Variants in CLVS1 observed in about 807,000 individuals in gnomAD.
CLVS1 encodes clavesin-1.
In CLVS1, 10 loss-of-function variants were observed where a neutral mutation model predicts 33.1. The observed-to-expected ratio is 0.30, with a 90% confidence interval of 0.19 to 0.51. The LOEUF (loss-of-function observed/expected upper bound fraction) is 0.51, where lower values mean the gene tolerates loss of function less well. Among genes scored for constraint, CLVS1 ranks in the 20% least tolerant of loss-of-function variants. The pLI is 0.97. For synonymous variants in CLVS1, 163 were observed against 166.1 expected (o/e 0.98, Z 0.14); for missense variants, 343 against 433.4 (o/e 0.79, Z 1.85).
chr8:61,291,556 A>AG (rs1023010462), intron 1 of CLVS1, among the ~76,000 whole-genome samples: 6 of 152,142 alleles, frequency 3.9e-5, no homozygotes, highest in African/African-American at 7.2e-5. Flanking sequence ...AGCATGTTGT[A>AG]GGGGGGCGTG....
intron 4 of CLVS1, among the ~76,000 whole-genome samples, chr8:61,456,384 G>A (rs542538973): frequency 1.3e-5 from 2 of 152,282 alleles, no homozygotes; most frequent in African/African-American, 4.8e-5. Context: ...ATAAAAGCCA[G>A]AAAAGTGACT....
chr8:61,181,928 C>T (rs1807246781), intron 2 of CLVS1, among the ~76,000 whole-genome samples: 1 of 151,966 alleles, frequency 6.6e-6, no homozygotes, highest in Admixed American at 6.6e-5. Context: ...GTCTCGATCT[C>T]CTGACCTCGT....
chr8:61,437,351 A>G (rs992913254), intron 3 of CLVS1, among the ~76,000 whole-genome samples: 1 of 152,244 alleles, frequency 6.6e-6, no homozygotes, highest in Non-Finnish European at 1.5e-5. Context: ...AATCTCTTGA[A>G]GCTACCTTCA....
chr8:61,479,552 G>C (rs1818102148), intron 5 of CLVS1, among the ~76,000 whole-genome samples: 1 of 149,344 alleles, frequency 6.7e-6, no homozygotes, highest in African/African-American at 2.4e-5. Flanking sequence ...GCTCGGAGTA[G>C]TTGATCTTCT....
chr8:60,977,724 G>T, the CLVS1 span, among the ~76,000 whole-genome samples: 2 of 152,154 alleles, frequency 1.3e-5, no homozygotes, highest in Admixed American at 1.3e-4. Context: ...AGGATTTCCA[G>T]ATGTAGAAGA....
At chr8:61,318,826 G>A (rs1811101498) in intron 2 of CLVS1, among the ~76,000 whole-genome samples, 1 of 152,004 alleles carries the variant, frequency 6.6e-6, no homozygotes, top group African/African-American at 2.4e-5. Context: ...GCTGAGGCTG[G>A]TCTTGAAGCC....
At chr8:61,299,060 G>T (rs1299600475) in intron 1 of CLVS1, among the ~76,000 whole-genome samples, 2 of 152,124 alleles carry the variant, frequency 1.3e-5, no homozygotes, top group African/African-American at 4.8e-5. Context: ...GATTATTGGA[G>T]GTCAAGTTTT....
chr8:61,155,494 T>G (rs1177362892), intron 2 of CLVS1, among the ~76,000 whole-genome samples: 2 of 152,234 alleles, frequency 1.3e-5, no homozygotes, highest in African/African-American at 2.4e-5. Context: ...GATTAGCCTT[T>G]TAATGGTGAT....
intron 3 of CLVS1, among the ~76,000 whole-genome samples, chr8:61,386,859 C>T (rs10099169): frequency 0.57 from 86,531 of 151,934 alleles, 28,963 homozygotes; most frequent in Non-Finnish European, 0.73. Flanking sequence ...CTCCCTACAC[C>T]CCTTTCATTA....
chr8:61,297,839 G>A (rs1810273677), intron 1 of CLVS1, among the ~76,000 whole-genome samples: 1 of 152,018 alleles, frequency 6.6e-6, no homozygotes, highest in African/African-American at 2.4e-5. Context: ...GGGAGAAGGA[G>A]GTCTAAGAAG....
At chr8:61,397,161 T>C (rs569029253) in intron 3 of CLVS1, among the ~76,000 whole-genome samples, 8 of 152,290 alleles carry the variant, frequency 5.3e-5, no homozygotes, top group African/African-American at 1.9e-4. Context: ...CAACAATGTG[T>C]GAGAGCTCCA....
the CLVS1 span, among the ~76,000 whole-genome samples, chr8:61,032,984 GGAAGGAAGGAAAGAAAGAAAGAAA>G: frequency 3.8e-5 from 3 of 78,020 alleles, no homozygotes; most frequent in South Asian, 4.9e-4. Flanking sequence ...AAGGAAGGAA[GGAAGGAAGGAAAGAAAGAAAGAAA>G]GAAAGAAAGA....
chr8:61,008,994 C>T, the CLVS1 span, among the ~76,000 whole-genome samples: 4 of 152,260 alleles, frequency 2.6e-5, no homozygotes, highest in South Asian at 6.2e-4. Flanking sequence ...TGACCACTTG[C>T]ACCTCTTATG....
intron 1 of CLVS1, among the ~76,000 whole-genome samples, chr8:61,126,312 G>C (rs1805969385): frequency 6.6e-6 from 1 of 152,180 alleles, no homozygotes; most frequent in African/African-American, 2.4e-5. Context: ...GCACTGTGGA[G>C]AAAGCAGACA....
intron 1 of CLVS1, among the ~76,000 whole-genome samples, chr8:61,114,753 C>A (rs770418663): frequency 6.6e-6 from 1 of 152,172 alleles, no homozygotes; most frequent in Non-Finnish European, 1.5e-5. Context: ...GAATAGAAAT[C>A]TTTATTTTAG....
the CLVS1 span, among the ~76,000 whole-genome samples, chr8:61,031,816 C>T: frequency 1.1e-4 from 17 of 151,612 alleles, no homozygotes; most frequent in African/African-American, 3.9e-4. Context: ...CAAAATATAG[C>T]GGAAGCAAGA....
intron 2 of CLVS1, among the ~76,000 whole-genome samples, chr8:61,222,913 T>C (rs1808248167): frequency 6.9e-6 from 1 of 143,924 alleles, no homozygotes; most frequent in Non-Finnish European, 1.5e-5. Context: ...TTTACCATTA[T>C]GTAATGCCCT....
chr8:61,067,044 T>C (rs1043107170), intron 1 of CLVS1, among the ~76,000 whole-genome samples: 3 of 151,904 alleles, frequency 2.0e-5, no homozygotes, highest in Admixed American at 1.3e-4. Context: ...AGGGCAATGA[T>C]GTTCAACCTT....
intron 3 of CLVS1, among the ~76,000 whole-genome samples, chr8:61,407,095 T>A (rs1460824844): frequency 1.3e-5 from 2 of 148,546 alleles, no homozygotes; most frequent in Admixed American, 6.7e-5. Context: ...TCTCATGGTG[T>A]ACATTACATC....
Sources: gnomAD v4.1 joint callset for allele counts (sites outside exome capture counted in the v4.1 genomes callset) on GRCh38, gnomAD v4.1.1 for gene constraint, MANE v1.5 for transcripts, NCBI Gene and HGNC (gene_info 2026-07-23, HGNC 2026-07-21) for gene names.